The following ZFHX3 variants were observed in gnomAD, a reference collection of about 807,000 sequenced individuals.
ZFHX3 encodes zinc finger homeobox protein 3.
Under a neutral mutation model 279.1 loss-of-function variants are expected in ZFHX3, and 42 were observed. That is an observed-to-expected ratio of 0.15 (90% CI 0.12 to 0.19). The LOEUF is 0.19. ZFHX3 is among the 10% of genes least tolerant of loss of function. The pLI, the probability that ZFHX3 is intolerant of heterozygous loss-of-function variation, is 1.00. For missense variants in ZFHX3, 4,981 were observed against 4,754.0 expected, an observed-to-expected ratio of 1.05 and a Z score of -1.40; for synonymous variants, 2,293 against 1,957.8, an observed-to-expected ratio of 1.17 and a Z score of -4.52.
intron 1 of ZFHX3, among the ~76,000 whole-genome samples, chr16:73,784,134 A>C (rs1170191024): frequency 6.6e-6 from 1 of 152,184 alleles, no homozygotes; most frequent in East Asian, 1.9e-4. Flanking sequence ...AAAAAGAAAA[A>C]AAAAGGAGAC....
intron 7 of ZFHX3, among the ~76,000 whole-genome samples, chr16:73,116,185 C>G (rs185436452): frequency 2.0e-5 from 3 of 152,014 alleles, no homozygotes; most frequent in African/African-American, 7.3e-5. Context: ...AGTGCTTATG[C>G]CCTTTGGGTC....
At chr16:73,888,329 A>G (rs114012492) in intron 1 of ZFHX3, among the ~76,000 whole-genome samples, 110 of 152,204 alleles carry the variant, frequency 7.2e-4, no homozygotes, top group African/African-American at 2.6e-3. Context: ...CATAATTTTT[A>G]TTTTTCAGAT....
At chr16:73,458,889 C>A (rs540081082) in intron 2 of ZFHX3, among the ~76,000 whole-genome samples, 8 of 152,158 alleles carry the variant, frequency 5.3e-5, no homozygotes, top group African/African-American at 1.2e-4. Context: ...AACCTCCGTA[C>A]GATGACATGG....
chr16:72,843,942 T>C (rs2037413143), intron 4 of ZFHX3, among the ~76,000 whole-genome samples: 1 of 152,188 alleles, frequency 6.6e-6, no homozygotes, highest in Non-Finnish European at 1.5e-5. Flanking sequence ...AGTGGCAACA[T>C]GAAGCCCCAA....
At chr16:73,249,050 T>C (rs2013399651) in intron 5 of ZFHX3, among the ~76,000 whole-genome samples, 1 of 152,212 alleles carries the variant, frequency 6.6e-6, no homozygotes, top group African/African-American at 2.4e-5. Flanking sequence ...CAAGTGTCAG[T>C]GGTCACACTG....
At chr16:73,205,478 T>C (rs1486010337) in intron 5 of ZFHX3, among the ~76,000 whole-genome samples, 2 of 152,064 alleles carry the variant, frequency 1.3e-5, no homozygotes, top group Non-Finnish European at 2.9e-5. Flanking sequence ...TGATTAAAAA[T>C]AGGAAGCGAG....
chr16:72,872,322 T>C (rs1026884320), intron 4 of ZFHX3, among the ~76,000 whole-genome samples: 1 of 152,164 alleles, frequency 6.6e-6, no homozygotes, highest in Non-Finnish European at 1.5e-5. Context: ...TCCCCTCCAA[T>C]ACAAATAGCC....
rs1449676618 is a variant in ZFHX3, at chr16:73,549,749, G to A, written c.-1546-93491C>T. 2.6e-5 allele frequency among the ~76,000 whole-genome samples: 4 copies of A among 152,242 alleles called. No homozygotes were observed. In the East Asian group the frequency reaches 7.7e-4, roughly 29 times the overall value. ...ACACCTCCAAAGCTAATGTTTATAG[G>A]CCAGCTTAAATCTGAGCAGAAAATA... On this transcript the variant is annotated intron_variant, in intron 2 of 17. Coordinates refer to the ZFHX3 transcript ENST00000641206.
intron 2 of ZFHX3, among the ~76,000 whole-genome samples, chr16:73,590,644 A>G (rs2051984954): frequency 6.6e-6 from 1 of 152,250 alleles, no homozygotes; most frequent in Admixed American, 6.5e-5. Context: ...ATGAAGGAAA[A>G]TAATCAAGTA....
Position 73,868,548 on chromosome 16 carries a change from A to G in ZFHX3, c.-1608+23103T>C, listed in dbSNP as rs543045886. Among the ~76,000 whole-genome samples the G allele has an allele frequency of 2.8e-4, 43 of 152,270 alleles. No individual in the cohort carries two copies. The Middle Eastern group carries it at 0.01, about 36-fold the overall frequency. On this transcript the variant is annotated intron_variant, in intron 1 of 17. Transcript: ENST00000641206. ...CAAACAAACAAAAAAGATTTAAACA[A>G]TGTAACAGTTGCTGAGTGGCATTCC...
intron 3 of ZFHX3, among the ~76,000 whole-genome samples, chr16:73,450,167 A>G (rs2018259112): frequency 1.3e-5 from 2 of 152,290 alleles, no homozygotes; most frequent in South Asian, 4.1e-4. Flanking sequence ...GCTGGGGGTG[A>G]AGGTACCTTA....
At chr16:73,737,243 C>T (rs2080636261) in intron 1 of ZFHX3, among the ~76,000 whole-genome samples, 2 of 152,086 alleles carry the variant, frequency 1.3e-5, no homozygotes, top group South Asian at 4.1e-4. Context: ...TGCTGTGTTG[C>T]CCAGGCTGGT....
At chr16:73,440,610 T>G (rs1297049680) in intron 3 of ZFHX3, among the ~76,000 whole-genome samples, 1 of 152,212 alleles carries the variant, frequency 6.6e-6, no homozygotes, top group African/African-American at 2.4e-5. Flanking sequence ...TTCACAGTGG[T>G]GCCTGCCTCT....
At chr16:72,893,380 C>T (rs1194946296) in intron 3 of ZFHX3, among the ~76,000 whole-genome samples, 4 of 152,134 alleles carry the variant, frequency 2.6e-5, no homozygotes, top group Non-Finnish European at 5.9e-5. Context: ...AGTTCTATTC[C>T]AAATGGCTGG....
chr16:73,704,226 C>T lies in ZFHX3; in HGVS notation c.-1607-23986G>A, dbSNP rs545366487. ...CATGAATCCCAGTATTAAATAAATA[C>T]ATAAACATCCACCGTTATTAAGTGA... On this transcript the variant is annotated intron_variant, in intron 1 of 17. Transcript: ENST00000641206. 8.2e-4 allele frequency among the ~76,000 whole-genome samples: 125 copies of T among 152,202 alleles called. 2 individuals carry two copies. The South Asian group carries it at 0.012, about 15-fold the overall frequency.
chr16:73,465,266 C>T (rs1354353174), intron 2 of ZFHX3, among the ~76,000 whole-genome samples: 1 of 152,210 alleles, frequency 6.6e-6, no homozygotes, highest in African/African-American at 2.4e-5. Context: ...ATGTTTCTTT[C>T]AGACGCAGAA....
At chr16:72,874,985 T>C (rs2038272807) in intron 4 of ZFHX3, among the ~76,000 whole-genome samples, 1 of 152,224 alleles carries the variant, frequency 6.6e-6, no homozygotes, top group African/African-American at 2.4e-5. Flanking sequence ...ACAGAAGTCC[T>C]GGACAGGAGA....
At chr16:73,458,139 C>G (rs1301179215) in intron 2 of ZFHX3, among the ~76,000 whole-genome samples, 2 of 152,172 alleles carry the variant, frequency 1.3e-5, no homozygotes, top group African/African-American at 4.8e-5. Context: ...ATAGAAATTA[C>G]TTTCAAACCC....
chr16:73,763,216 C>A (rs16972516), intron 1 of ZFHX3, among the ~76,000 whole-genome samples: 1 of 152,124 alleles, frequency 6.6e-6, no homozygotes, highest in Non-Finnish European at 1.5e-5. Context: ...CTCTTGGCAA[C>A]TGACCTATCA....
Sources: gnomAD v4.1 joint callset for allele counts (sites outside exome capture counted in the v4.1 genomes callset) on GRCh38, gnomAD v4.1.1 for gene constraint, MANE v1.5 for transcripts, NCBI Gene and HGNC (gene_info 2026-07-23, HGNC 2026-07-21) for gene names.